FHIT: variants seen among roughly 807,000 people sequenced by gnomAD.
FHIT encodes the protein bis(5'-adenosyl)-triphosphatase.
Under a neutral mutation model 17.9 loss-of-function variants are expected in FHIT, and 19 were observed. That is an observed-to-expected ratio of 1.06 (90% CI 0.74 to 1.56). FHIT has a LOEUF of 1.56. FHIT is among the 40% of genes most tolerant of loss of function. The probability of loss-of-function intolerance (pLI) is 0.00; values close to 1 mark genes in which losing one functional copy is unlikely to be tolerated. For synonymous variants in FHIT, 81 were observed against 69.7 expected (o/e 1.16, Z -0.81); for missense variants, 248 against 189.2 (o/e 1.31, Z -1.82).
intron 5 of FHIT, among the ~76,000 whole-genome samples, chr3:60,065,197 A>G (rs933383192): frequency 1.3e-5 from 2 of 152,220 alleles, no homozygotes; most frequent in African/African-American, 4.8e-5. Flanking sequence ...ACATACAGCC[A>G]GGTTGAAGAA....
intron 5 of FHIT, among the ~76,000 whole-genome samples, chr3:60,297,454 T>C (rs1032317090): frequency 6.6e-6 from 1 of 152,106 alleles, no homozygotes; most frequent in Admixed American, 6.6e-5. Context: ...TAAATAAACA[T>C]AGTTGGTTTC....
chr3:60,140,934 G>A (rs2361341), intron 5 of FHIT, among the ~76,000 whole-genome samples: 94,442 of 152,018 alleles, frequency 0.62, 30,864 homozygotes, highest in African/African-American at 0.82. Flanking sequence ...TGTCAAAGCT[G>A]TCATCGGTCA....
At chr3:60,859,947 G>A (rs1165895226) in intron 3 of FHIT, among the ~76,000 whole-genome samples, 1 of 150,070 alleles carries the variant, frequency 6.7e-6, no homozygotes, top group Non-Finnish European at 1.5e-5. Context: ...GGGAGACTGA[G>A]GTAGGAGAAT....
At chr3:60,919,104 A>C (rs1707150581) in intron 3 of FHIT, among the ~76,000 whole-genome samples, 1 of 152,196 alleles carries the variant, frequency 6.6e-6, no homozygotes, top group Non-Finnish European at 1.5e-5. Flanking sequence ...CTCAGTGGAA[A>C]AGAGAAGAAA....
At chr3:59,825,330 G>C (rs1700939092) in intron 8 of FHIT, among the ~76,000 whole-genome samples, 1 of 151,950 alleles carries the variant, frequency 6.6e-6, no homozygotes, top group Non-Finnish European at 1.5e-5. Context: ...TGTTTCTTTT[G>C]GCAGAACCAC....
intron 5 of FHIT, among the ~76,000 whole-genome samples, chr3:60,249,202 C>T (rs1056817041): frequency 1.3e-5 from 2 of 152,112 alleles, no homozygotes; most frequent in African/African-American, 4.8e-5. Flanking sequence ...TTGCCTTCCT[C>T]ACAAGGTGTT....
intron 5 of FHIT, among the ~76,000 whole-genome samples, chr3:60,158,401 T>G (rs980142968): frequency 6.6e-6 from 1 of 152,116 alleles, no homozygotes; most frequent in Non-Finnish European, 1.5e-5. Context: ...AACCTCCGCT[T>G]CCAGGGTTCA....
chr3:60,187,285 T>C (rs989927977), intron 5 of FHIT, among the ~76,000 whole-genome samples: 2 of 151,986 alleles, frequency 1.3e-5, no homozygotes. Context: ...CTTCACAAAA[T>C]AAAAGTGAGA....
intron 2 of FHIT, among the ~76,000 whole-genome samples, chr3:61,082,337 A>G (rs953823936): frequency 1.3e-5 from 2 of 152,210 alleles, no homozygotes; most frequent in Admixed American, 1.3e-4. Context: ...TATGAATGGT[A>G]ACATTCAGCA....
rs4019407 is a variant in FHIT at position 60,043,663 on chromosome 3, TATAG to T, written c.104-29515_104-29512del. On this transcript the variant is annotated intron_variant, in intron 5 of 9. Coordinates refer to ENST00000492590, the MANE Select transcript of FHIT (RefSeq NM_002012.4). ...ATGTGTACACATATTCTGTGCATGT[TATAG>T]ATAGACAGATAGATAGATAGATAAA... 5.9e-5 allele frequency among the ~76,000 whole-genome samples: 8 copies of T among 136,602 alleles called. No individual in the cohort carries two copies. In the East Asian group the frequency reaches 1.5e-3, roughly 25 times the overall value. The allele number at this position is 136,602 out of a possible 152,430, so 89.6% of individuals were successfully genotyped here.
intron 5 of FHIT, among the ~76,000 whole-genome samples, chr3:60,189,465 C>T (rs1439065710): frequency 2.0e-5 from 3 of 151,876 alleles, no homozygotes; most frequent in Admixed American, 6.6e-5. Flanking sequence ...ACTTTAGATA[C>T]TTTAGGGCAA....
intron 4 of FHIT, among the ~76,000 whole-genome samples, chr3:60,572,843 G>A (rs2037433073): frequency 6.6e-6 from 1 of 152,150 alleles, no homozygotes. Context: ...GCAGACCTGG[G>A]ACCAGTTGGT....
chr3:60,139,565 C>G (rs1373484152), intron 5 of FHIT, among the ~76,000 whole-genome samples: 1 of 152,166 alleles, frequency 6.6e-6, no homozygotes. Flanking sequence ...CTCAGCTACT[C>G]ATTGATCACA....
intron 5 of FHIT, among the ~76,000 whole-genome samples, chr3:60,154,809 T>C (rs1700608609): frequency 6.6e-6 from 1 of 152,218 alleles, no homozygotes; most frequent in South Asian, 2.1e-4. Context: ...AGTCAATTTA[T>C]ATTTAAACTA....
At chr3:60,110,500 T>C (rs981104696) in intron 5 of FHIT, among the ~76,000 whole-genome samples, 9 of 152,194 alleles carry the variant, frequency 5.9e-5, no homozygotes, top group Non-Finnish European at 1.0e-4. Flanking sequence ...CACCAGTTTA[T>C]GGCTTAGTGA....
At chr3:59,996,639 G>C (rs1353810616) in intron 7 of FHIT, among the ~76,000 whole-genome samples, 1 of 152,026 alleles carries the variant, frequency 6.6e-6, no homozygotes, top group African/African-American at 2.4e-5. Flanking sequence ...AAGGGCTCCA[G>C]ACACCCTTTG....
chr3:60,212,925 G>A (rs1192667617), intron 5 of FHIT, among the ~76,000 whole-genome samples: 1 of 152,168 alleles, frequency 6.6e-6, no homozygotes, highest in African/African-American at 2.4e-5. Context: ...CTATCTCAGG[G>A]ATTTTGCTAA....
intron 5 of FHIT, among the ~76,000 whole-genome samples, chr3:60,203,588 ACTGCT>A (rs1325529233): frequency 6.6e-6 from 1 of 152,184 alleles, no homozygotes; most frequent in Non-Finnish European, 1.5e-5. Context: ...CTCCAGATGC[ACTGCT>A]CTGTGCAACT....
At chr3:60,957,483 C>A (rs1553779356) in intron 3 of FHIT, among the ~76,000 whole-genome samples, 1 of 152,108 alleles carries the variant, frequency 6.6e-6, no homozygotes, top group African/African-American at 2.4e-5. Context: ...GTGATCCACC[C>A]GCCTTGGCCT....
Sources: gnomAD v4.1 joint callset for allele counts (sites outside exome capture counted in the v4.1 genomes callset) on GRCh38, gnomAD v4.1.1 for gene constraint, MANE v1.5 for transcripts, NCBI Gene and HGNC (gene_info 2026-07-23, HGNC 2026-07-21) for gene names.